Variants in NRTN observed in about 807,000 individuals in gnomAD.
NRTN encodes neurturin.
NRTN carries 3 observed loss-of-function variants against 7.5 expected under a neutral mutation model. The ratio of observed to expected loss-of-function variants is 0.40; its 90% CI spans 0.18 to 1.03. The LOEUF (loss-of-function observed/expected upper bound fraction) is 1.03, where lower values mean the gene tolerates loss of function less well. Among genes scored for constraint, NRTN ranks in the 50% least tolerant of loss-of-function variants. The probability of loss-of-function intolerance (pLI) is 0.34; values close to 1 mark genes in which losing one functional copy is unlikely to be tolerated. For missense variants in NRTN, 310 were observed against 307.0 expected, an observed-to-expected ratio of 1.01 and a Z score of -0.07; for synonymous variants, 157 against 146.6, an observed-to-expected ratio of 1.07 and a Z score of -0.51.
At chr19:5,820,265 CAAAAA>C (rs61584587) in intron 1 of NRTN, among the ~76,000 whole-genome samples, 3 of 84,536 alleles carry the variant, frequency 3.5e-5, no homozygotes, top group South Asian at 3.8e-4. Context: ...GACTCCGTCT[CAAAAA>C]AAAAAAAAAA....
At chr19:5,820,073 T>C (rs1274043058) in intron 1 of NRTN, among the ~76,000 whole-genome samples, 1 of 150,384 alleles carries the variant, frequency 6.6e-6, no homozygotes, top group Non-Finnish European at 1.5e-5. Context: ...GAGACCATCC[T>C]GGCTAACATG....
At chr19:5,822,381 C>G (rs930742830) in intron 1 of NRTN, among the ~76,000 whole-genome samples, 1 of 152,178 alleles carries the variant, frequency 6.6e-6, no homozygotes, top group African/African-American at 2.4e-5. Flanking sequence ...TACACCTGGC[C>G]GGCCGCCAGG....
In NRTN at chr19:5,828,120, A is replaced by C; in HGVS notation, c.541A>C (p.Ser181Arg). The C allele has an allele frequency of 6.6e-7, 1 of 1,505,716 alleles. No homozygotes were observed. The highest frequency in any genetic ancestry group is 8.8e-7 in the Non-Finnish European group (1 of 1,134,822). 93.3% of individuals were successfully genotyped at this position (1,505,716 alleles called of 1,614,324 possible). ...CGAGGTGTCCTTCCTGGACGCGCAC[A>C]GCCGCTACCACACGGTGCACGAGCT... ...EDEVSFLDAHSRYHTVHELSA... is the reference protein window; with the variant it reads ...EDEVSFLDAHRRYHTVHELSA... The change falls in exon 3 of 3, where the codon AGC becomes CGC. Residue 181 changes from serine (S) to arginine (R), a missense_variant. Ser to Arg is a moderately radical substitution (Grantham distance 110, BLOSUM62 -1). Coordinates refer to ENST00000303212, the MANE Select transcript of NRTN (RefSeq NM_004558.5).
chr19:5,817,482 GGAAA>G (rs1305929140), intron 1 of NRTN, among the ~76,000 whole-genome samples: 2 of 130,264 alleles, frequency 1.5e-5, no homozygotes, highest in Admixed American at 8.5e-5. Context: ...AGGAAGGAAG[GGAAA>G]GAGAGAGAGA....
rs985592634 is a variant in NRTN at position 5,828,186 on chromosome 19, C to G, written c.*13C>G. On this transcript the variant is annotated 3_prime_UTR_variant, in exon 3 of 3. Coordinates refer to ENST00000303212, the MANE Select transcript of NRTN (RefSeq NM_004558.5). Reference sequence around the variant, plus strand: ...CGCCTGCGTGTGACCCTACCTCACTCGGCCGGCGCGGCGGCCACTCCCCCC... The same window carrying G: ...CGCCTGCGTGTGACCCTACCTCACTGGGCCGGCGCGGCGGCCACTCCCCCC... The G allele has an allele frequency of 6.5e-6, 10 of 1,528,932 alleles. No homozygotes were observed. The highest frequency in any genetic ancestry group is 8.7e-6 in the Non-Finnish European group (10 of 1,143,782). The allele number at this position is 1,528,932 out of a possible 1,614,324, so 94.7% of individuals were successfully genotyped here. A position where few individuals can be genotyped will look rare whatever the true frequency, so the allele number is the denominator to read the frequency against.
chr19:5,817,910 C>T (rs2057011095), intron 1 of NRTN, among the ~76,000 whole-genome samples: 1 of 152,180 alleles, frequency 6.6e-6, no homozygotes, highest in Admixed American at 6.6e-5. Flanking sequence ...AGCGATTCTC[C>T]TGCCTCAGCC....
chr19:5,807,352 G>T (rs1473470131), intron 1 of NRTN, among the ~76,000 whole-genome samples: 3 of 152,190 alleles, frequency 2.0e-5, no homozygotes, highest in African/African-American at 7.2e-5. Flanking sequence ...TATCTTTGCT[G>T]GGGGGCTGTG....
chr19:5,813,388 T>C (rs2056996023), intron 1 of NRTN, among the ~76,000 whole-genome samples: 1 of 144,774 alleles, frequency 6.9e-6, no homozygotes, highest in Non-Finnish European at 1.5e-5. Context: ...ATATAAAAGT[T>C]TGGCCAGGCG....
rs569954608 is a variant in NRTN, at chr19:5,806,502, G to A, written c.-399+1051G>A. 3.9e-4 allele frequency among the ~76,000 whole-genome samples: 59 copies of A among 152,144 alleles called. No individual in the cohort carries two copies. The highest frequency in any genetic ancestry group is 1.3e-3 in the African/African-American group (54 of 41,500). ...CTCTTTGTCTGTCTCTGAGTGCCCCGGGCTGAGGAAGCCTGGGTGGGGTGT... is the reference window on the plus strand; with the variant it reads ...CTCTTTGTCTGTCTCTGAGTGCCCCAGGCTGAGGAAGCCTGGGTGGGGTGT... On this transcript the variant is annotated intron_variant, in intron 1 of 2. Coordinates refer to ENST00000303212, the MANE Select transcript of NRTN (RefSeq NM_004558.5). This position sits in a 1 kb window ranked among gnomAD's most constrained non-coding sequence, Gnocchi z 5.4.
intron 1 of NRTN, among the ~76,000 whole-genome samples, chr19:5,823,319 A>C (rs1178419759): frequency 1.3e-5 from 2 of 152,122 alleles, no homozygotes; most frequent in African/African-American, 2.4e-5. Flanking sequence ...CGGGGGGCTG[A>C]GGCAGGAGAA....
rs202155391 is a variant in NRTN, at chr19:5,824,185, C to T, written c.20C>T (p.Ala7Val). The change falls in exon 2 of 3, where the codon GCG becomes GTG. Residue 7 changes from alanine (A) to valine (V), a missense_variant. Transcript: ENST00000303212. MQRWKAAALASVLCSSV... is the reference protein window; with the variant it reads MQRWKAVALASVLCSSV... Reference sequence around the variant, plus strand: ...CTGAGGATGCAGCGCTGGAAGGCGGCGGCCTTGGCCTCAGTGCTCTGCAGC... The same window carrying T: ...CTGAGGATGCAGCGCTGGAAGGCGGTGGCCTTGGCCTCAGTGCTCTGCAGC... 15 of 1,609,604 alleles carry T rather than the reference C, an allele frequency of 9.3e-6. No homozygotes were observed. Among genetic ancestry groups the T allele is most frequent in the African/African-American group, 2.7e-5 (2 of 74,918 alleles).
At chr19:5,815,018 T>G (rs1458872290) in intron 1 of NRTN, among the ~76,000 whole-genome samples, 1 of 152,198 alleles carries the variant, frequency 6.6e-6, no homozygotes, top group Non-Finnish European at 1.5e-5. Flanking sequence ...CGGGCAGTGG[T>G]CAGGGCGGGG....
chr19:5,813,918 G>A (rs74862010), intron 1 of NRTN, among the ~76,000 whole-genome samples: 11,506 of 152,114 alleles, frequency 0.076, 976 homozygotes, highest in East Asian at 0.42. Flanking sequence ...TGAGGCAGGA[G>A]AATGGCTTGA....
chr19:5,823,950 G>A lies in NRTN; in HGVS notation c.-216G>A. On this transcript the variant is annotated 5_prime_UTR_variant, in exon 2 of 3. Transcript: ENST00000303212. ...TCAGGAAGGCACTCCGGGACCCCCA[G>A]ATGGGGGCGGTTCCCTGTGACTCCT... The A allele has an allele frequency of 9.3e-6, 6 of 642,914 alleles. No homozygotes were observed. The highest frequency in any genetic ancestry group is 9.3e-5 in the South Asian group (5 of 53,636). The allele number at this position is 642,914 out of a possible 1,614,324, so 39.8% of individuals were successfully genotyped here. A position where few individuals can be genotyped will look rare whatever the true frequency, so the allele number is the denominator to read the frequency against.
rs941648895 is a variant in NRTN at position 5,827,996 on chromosome 19, C to A, written c.417C>A (p.Arg139=). The A allele has an allele frequency of 1.4e-5, 20 of 1,460,548 alleles. No homozygotes were observed. The highest frequency in any genetic ancestry group is 1.5e-5 in the Non-Finnish European group (17 of 1,111,962). 90.5% of individuals were successfully genotyped at this position (1,460,548 alleles called of 1,614,324 possible). ...CAGGCGCCTGCGAGGCTGCCGCGCG[C>A]GTCTACGACCTCGGGCTGCGACGAC... ...YCAGACEAAA[R]VYDLGLRRLR... Residue 139 remains arginine (R), a synonymous_variant, in exon 3 of 3, where the codon CGC becomes CGA. Coordinates refer to ENST00000303212, the MANE Select transcript of NRTN (RefSeq NM_004558.5).
chr19:5,814,922 G>C, intron 1 of NRTN, among the ~76,000 whole-genome samples: 1 of 152,298 alleles, frequency 6.6e-6, no homozygotes, highest in East Asian at 1.9e-4. Flanking sequence ...GGATTTCTAC[G>C]TTTTCTCCAG....
intron 2 of NRTN, among the ~76,000 whole-genome samples, chr19:5,824,798 A>G (rs190833538): frequency 6.6e-6 from 1 of 152,326 alleles, no homozygotes; most frequent in African/African-American, 2.4e-5. Flanking sequence ...TTATAATAAT[A>G]AATACATTTT....
At chr19:5,817,463 A>AAG (rs59447241) in intron 1 of NRTN, among the ~76,000 whole-genome samples, 65,667 of 117,176 alleles carry the variant, frequency 0.56, 16,341 homozygotes, top group African/African-American at 0.66. Flanking sequence ...GAAAGAGAGA[A>AAG]AGAGAGGAAG....
At chr19:5,822,047 G>C (rs2144764878) in intron 1 of NRTN, among the ~76,000 whole-genome samples, 1 of 152,258 alleles carries the variant, frequency 6.6e-6, no homozygotes, top group East Asian at 1.9e-4. Flanking sequence ...TCAGCACCAG[G>C]CCTGTTACAC....
Sources: allele counts gnomAD v4.1 joint callset (sites outside exome capture counted in the v4.1 genomes callset), GRCh38; gene constraint gnomAD v4.1.1; non-coding constraint Gnocchi (gnomAD v3.1); transcripts MANE v1.5; gene names NCBI Gene and HGNC (gene_info 2026-07-23, HGNC 2026-07-21).